Variants in DNAI4 observed in about 807,000 individuals in gnomAD.
DNAI4 encodes the protein dynein axonemal intermediate chain 4, also known as WD repeat domain 78.
A neutral mutation model predicts 105.8 loss-of-function variants in DNAI4; 85 were observed. The observed-to-expected ratio is 0.80, with a 90% CI of 0.67 to 0.96. The LOEUF (loss-of-function observed/expected upper bound fraction) is 0.96. Ranked by LOEUF, DNAI4 falls within the 40% of genes least tolerant of loss-of-function variation. DNAI4 has a pLI of 0.00. For synonymous variants in DNAI4, 352 were observed against 331.5 expected (o/e 1.06, Z -0.67); for missense variants, 1,014 against 1,005.6 (o/e 1.01, Z -0.11).
In DNAI4 at chr1:66,874,761, G is replaced by GAGAACAGAAACAATGTACAGAA; in HGVS notation, c.800+19_800+20insTTCTGTACATTGTTTCTGTTCT. On this transcript the variant is annotated intron_variant, in intron 5 of 16. Coordinates refer to ENST00000371026, the MANE Select transcript of DNAI4 (RefSeq NM_024763.5). ...GCATTTGAATTACAGAAACAATGTA[G>GAGAACAGAAACAATGTACAGAA]ACAACTGAACCATACATACGTTACT... is the stretch of plus-strand genomic sequence containing the variant. 1 of 1,583,820 alleles carries GAGAACAGAAACAATGTACAGAA rather than the reference G, an allele frequency of 6.3e-7. No homozygotes were observed. Among genetic ancestry groups the GAGAACAGAAACAATGTACAGAA allele is most frequent in the East Asian group, 2.2e-5 (1 of 44,518 alleles).
At chr1:66,872,751 A>C (rs1646873987) in intron 5 of DNAI4, among the ~76,000 whole-genome samples, 1 of 151,862 alleles carries the variant, frequency 6.6e-6, no homozygotes, top group Admixed American at 6.6e-5. Flanking sequence ...ATAATAAGAG[A>C]TGTGGTCTCA....
intron 4 of DNAI4, among the ~76,000 whole-genome samples, chr1:66,887,264 G>C (rs1282425943): frequency 6.6e-6 from 1 of 152,184 alleles, no homozygotes; most frequent in East Asian, 1.9e-4. Flanking sequence ...CTTGGGAACT[G>C]TATTTCTCTG....
intron 1 of DNAI4, among the ~76,000 whole-genome samples, chr1:66,908,833 C>T (rs1304833113): frequency 6.6e-6 from 1 of 152,168 alleles, no homozygotes; most frequent in Non-Finnish European, 1.5e-5. Flanking sequence ...TATACCTTCT[C>T]TTTCTTCAAA....
rs747394291 is a variant in DNAI4 at position 66,840,625 on chromosome 1, A to G, written c.1338T>C (p.His446=). Reference sequence around the variant, plus strand: ...TCTTAGATTCTTCCTCTACCTCTTCATGTTTTGCACTTTCTAAAACATCTT... The same window carrying G: ...TCTTAGATTCTTCCTCTACCTCTTCGTGTTTTGCACTTTCTAAAACATCTT... ...EPEDVLESAK[H]EEVEEESKKE... The change falls in exon 9 of 17, where the codon CAT becomes CAC. Residue 446 remains histidine (H), a synonymous_variant. Coordinates refer to ENST00000371026, the MANE Select transcript of DNAI4 (RefSeq NM_024763.5). 5 of 1,614,056 alleles carry G rather than the reference A, an allele frequency of 3.1e-6. No homozygotes were observed. In the Admixed American group the frequency reaches 6.7e-5, roughly 22 times the overall value.
At chr1:66,901,596 G>A (rs1342816600) in intron 2 of DNAI4, among the ~76,000 whole-genome samples, 1 of 151,858 alleles carries the variant, frequency 6.6e-6, no homozygotes, top group East Asian at 1.9e-4. Flanking sequence ...ACCACTTTTT[G>A]TGTATCCAGT....
chr1:66,921,376 A>C (rs1182229278), intron 1 of DNAI4: 1 of 152,232 alleles, frequency 6.6e-6, no homozygotes, highest in African/African-American at 2.4e-5. Flanking sequence ...GCTTCATGAG[A>C]TCCTTTCCAA....
intron 7 of DNAI4, among the ~76,000 whole-genome samples, chr1:66,858,835 C>G (rs1646561992): frequency 6.6e-6 from 1 of 152,060 alleles, no homozygotes; most frequent in Non-Finnish European, 1.5e-5. Context: ...CTATATAAAA[C>G]CTACAATTAA....
chr1:66,815,355 C>T (rs916753103), intron 16 of DNAI4, among the ~76,000 whole-genome samples: 9 of 152,012 alleles, frequency 5.9e-5, no homozygotes, highest in Admixed American at 1.3e-4. Context: ...CCTGAGACCC[C>T]GTCACATAGT....
chr1:66,854,550 T>C (rs1646460614), intron 7 of DNAI4, among the ~76,000 whole-genome samples: 1 of 152,222 alleles, frequency 6.6e-6, no homozygotes, highest in Non-Finnish European at 1.5e-5. Context: ...ACACCTGTAA[T>C]CCCAGCACTG....
chr1:66,822,374 A>G lies in DNAI4; in HGVS notation c.2483T>C (p.Leu828Ser), dbSNP rs755808240. ...VYELRNMPTVLETGRGDIMDT... is the reference protein window; with the variant it reads ...VYELRNMPTVSETGRGDIMDT... ...CTTGAGTCTTACCCGGCCAGTTTCCAAAACAGTAGGCATATTTCTCAGTTC... is the reference window on the plus strand; with the variant it reads ...CTTGAGTCTTACCCGGCCAGTTTCCGAAACAGTAGGCATATTTCTCAGTTC... The change falls in exon 16 of 17, where the codon TTG (leucine) becomes TCG (serine). Residue 828 changes from leucine to serine, a missense_variant. Transcript: ENST00000371026. The G allele has an allele frequency of 1.9e-6, 3 of 1,605,568 alleles. No individual in the cohort carries two copies. The highest frequency in any genetic ancestry group is 2.5e-6 in the Non-Finnish European group (3 of 1,177,236).
At chr1:66,895,403 G>C (rs926918124) in intron 2 of DNAI4, among the ~76,000 whole-genome samples, 1 of 152,164 alleles carries the variant, frequency 6.6e-6, no homozygotes, top group Non-Finnish European at 1.5e-5. Flanking sequence ...AGGAGTTTGA[G>C]GATATAGTGA....
chr1:66,907,357 T>C (rs764920943), intron 1 of DNAI4, among the ~76,000 whole-genome samples: 14 of 152,188 alleles, frequency 9.2e-5, no homozygotes, highest in South Asian at 2.1e-4. Context: ...TTTTCTCTAT[T>C]AATCTTTAAT....
At chr1:66,916,680 G>T (rs1650096891) in intron 1 of DNAI4, among the ~76,000 whole-genome samples, 1 of 152,158 alleles carries the variant, frequency 6.6e-6, no homozygotes, top group African/African-American at 2.4e-5. Context: ...CCCTGTGTCA[G>T]ATTAACAGGG....
rs397817167 is a variant in DNAI4 at position 66,817,584 on chromosome 1, G to GA, written c.2497-3405dup. ...TGAGACCTTTTCTAAAAGAAAAAAA[G>GA]AAAAAAAAAAACGGATAGAATCTCA... On this transcript the variant is annotated intron_variant, in intron 16 of 16. Coordinates refer to ENST00000371026, the MANE Select transcript of DNAI4 (RefSeq NM_024763.5). Among the ~76,000 whole-genome samples, 1,191 of 138,844 alleles carry GA rather than the reference G, an allele frequency of 8.6e-3. 5 individuals are homozygous for GA. Among genetic ancestry groups the GA allele is most frequent in the Middle Eastern group, 0.029 (8 of 278 alleles). The allele number at this position is 138,844 out of a possible 152,430, so 91.1% of individuals were successfully genotyped here.
At chr1:66,898,890 G>A (rs571308717) in intron 2 of DNAI4, among the ~76,000 whole-genome samples, 2 of 152,136 alleles carry the variant, frequency 1.3e-5, no homozygotes, top group African/African-American at 4.8e-5. Context: ...AGTATTTTGT[G>A]ACTGGCTTGT....
At chr1:66,869,113 A>G (rs1343841373) in intron 6 of DNAI4, among the ~76,000 whole-genome samples, 1 of 142,872 alleles carries the variant, frequency 7.0e-6, no homozygotes, top group African/African-American at 2.9e-5. Flanking sequence ...AATCCTAGAT[A>G]TGAATATATA....
intron 4 of DNAI4, among the ~76,000 whole-genome samples, chr1:66,881,767 T>A (rs1647076190): frequency 6.6e-6 from 1 of 152,168 alleles, no homozygotes; most frequent in South Asian, 2.1e-4. Flanking sequence ...GGTTTTGAAA[T>A]GTGAGGACAT....
chr1:66,831,261 T>C (rs1289602104), intron 13 of DNAI4, among the ~76,000 whole-genome samples: 1 of 152,112 alleles, frequency 6.6e-6, no homozygotes, highest in African/African-American at 2.4e-5. Flanking sequence ...GAAATCATAC[T>C]AATTTTATGA....
chr1:66,882,876 T>C (rs1361451643), intron 4 of DNAI4, among the ~76,000 whole-genome samples: 1 of 152,148 alleles, frequency 6.6e-6, no homozygotes, highest in Non-Finnish European at 1.5e-5. Flanking sequence ...ATACATCGAA[T>C]TACAAATAAC....
Sources: allele counts gnomAD v4.1 joint callset (sites outside exome capture counted in the v4.1 genomes callset), GRCh38; gene constraint gnomAD v4.1.1; transcripts MANE v1.5; gene names NCBI Gene and HGNC (gene_info 2026-07-23, HGNC 2026-07-21).